THAP5: variants seen among roughly 807,000 people sequenced by gnomAD.
The protein encoded by THAP5 is THAP domain containing 5.
In THAP5, 26 loss-of-function variants were observed where a neutral mutation model predicts 34.0. That is an observed-to-expected ratio of 0.77 (90% confidence interval 0.56 to 1.06). The LOEUF is 1.06. Among genes scored for constraint, THAP5 ranks in the 50% least tolerant of loss-of-function variants. THAP5 has a pLI of 0.00. For missense variants in THAP5, 394 were observed against 452.8 expected, an observed-to-expected ratio of 0.87 and a Z score of 1.18; for synonymous variants, 125 against 153.0, an observed-to-expected ratio of 0.82 and a Z score of 1.35.
At chr7:108,553,793 T>C (rs1404697270), downstream of THAP5, among the ~76,000 whole-genome samples, 5 of 152,172 alleles carry the variant, frequency 3.3e-5, no homozygotes, top group Admixed American at 3.3e-4. Flanking sequence ...AGCTCCATAC[T>C]CTTCCTAGCC....
rs1410419010 is a variant in THAP5 at position 108,564,885 on chromosome 7, G to A, written c.494C>T (p.Thr165Ile). 6.2e-7 allele frequency: 1 copy of A among 1,601,300 alleles called. No individual in the cohort carries two copies. The highest frequency in any genetic ancestry group is 1.7e-4 in the Middle Eastern group (1 of 6,038). Reference sequence around the variant, plus strand: ...AGTATGTTGTTTAACTAGATTAAGAGTTAACATGTTATTTTGTATACTTCC... The same window carrying A: ...AGTATGTTGTTTAACTAGATTAAGAATTAACATGTTATTTTGTATACTTCC... ...KTGSIQNNML[T>I]LNLVKQHTGK... is the part of the protein sequence containing the mutation. The change falls in exon 3 of 3, where the codon ACT (threonine) becomes ATT (isoleucine). Residue 165 changes from threonine (T) to isoleucine (I), a missense_variant. Coordinates refer to ENST00000415914, the MANE Select transcript of THAP5 (RefSeq NM_001130475.3).
Position 108,569,442 on chromosome 7 carries a change from C to T in THAP5, c.80+48G>A, listed in dbSNP as rs1157648527. Reference sequence around the variant, plus strand: ...ACACCCAAGCCCAAAGGCCACAGGTCCAAGGCCTCACGGCGAGGCTGACGC... The same window carrying T: ...ACACCCAAGCCCAAAGGCCACAGGTTCAAGGCCTCACGGCGAGGCTGACGC... On this transcript the variant is annotated intron_variant, in intron 1 of 2. Transcript: ENST00000415914. The T allele has an allele frequency of 1.9e-6, 3 of 1,550,840 alleles. No individual in the cohort carries two copies. The East Asian group carries it at 7.3e-5, about 38-fold the overall frequency.
chr7:108,544,112 C>T, the THAP5 span, among the ~76,000 whole-genome samples: 1 of 152,098 alleles, frequency 6.6e-6, no homozygotes, highest in African/African-American at 2.4e-5. Context: ...CATTTGTTTT[C>T]AAAAACTTCT....
At chr7:108,569,234 G>T in intron 1 of THAP5, 1 of 1,367,990 alleles carries the variant, frequency 7.3e-7, no homozygotes, top group Non-Finnish European at 9.4e-7. Flanking sequence ...ACAGAAGCCC[G>T]CGCAAACTTT....
chr7:108,564,874 C>G lies in THAP5; in HGVS notation c.505G>C (p.Val169Leu). 2.5e-6 allele frequency: 4 copies of G among 1,606,722 alleles called. No homozygotes were observed. Among genetic ancestry groups the G allele is most frequent in the Non-Finnish European group, 3.4e-6 (4 of 1,175,424 alleles). ...IQNNMLTLNL[V>L]KQHTGKPEST... is the part of the protein sequence containing the mutation. ...TCTGGTTTCCCAGTATGTTGTTTAA[C>G]TAGATTAAGAGTTAACATGTTATTT... is the stretch of plus-strand genomic sequence containing the variant. Residue 169 changes from valine (V) to leucine (L), a missense_variant, in exon 3 of 3, where the codon GTT becomes CTT. Val to Leu is a conservative substitution (Grantham distance 32). Coordinates refer to ENST00000415914, the MANE Select transcript of THAP5 (RefSeq NM_001130475.3).
chr7:108,557,588 A>G (rs1011991522), downstream of THAP5, among the ~76,000 whole-genome samples: 2 of 152,178 alleles, frequency 1.3e-5, no homozygotes, highest in African/African-American at 4.8e-5. Context: ...TCCAGTTCCC[A>G]ATAAATTCCC....
In THAP5 at chr7:108,564,264, T is replaced by C. The variant is rs1460887067; in HGVS notation, c.1115A>G (p.Glu372Gly). Residue 372 changes from glutamate to glycine, a missense_variant, in exon 3 of 3, where the codon GAA (glutamate) becomes GGA (glycine). By Grantham distance (98) the Glu-to-Gly change is moderately conservative. Transcript: ENST00000415914. ...LEALIRQLKQ[E>G]NWLSEENVKI... ...GACGTTTTCTTCAGATAGCCAGTTT[T>C]CCTGCTTTAGCTGCCTTATAAGAGC... The C allele has an allele frequency of 1.2e-6, 2 of 1,611,932 alleles. No individual in the cohort carries two copies. The highest frequency in any genetic ancestry group is 1.7e-6 in the Non-Finnish European group (2 of 1,179,354).
chr7:108,565,730 TTA>T (rs1790471834), intron 2 of THAP5, 98 bp downstream of exon 2: 1 of 919,444 alleles, frequency 1.1e-6, no homozygotes, highest in Non-Finnish European at 1.5e-6. Context: ...AAGTATCTGT[TTA>T]CCCAAGTTAT....
downstream of THAP5, among the ~76,000 whole-genome samples, chr7:108,552,537 C>T (rs750008835): frequency 2.6e-5 from 4 of 152,184 alleles, no homozygotes; most frequent in Admixed American, 6.5e-5. Flanking sequence ...TGGTGGCTCA[C>T]GCCTGTAATC....
downstream of THAP5, among the ~76,000 whole-genome samples, chr7:108,549,919 G>T (rs40923): frequency 0.29 from 43,957 of 151,938 alleles, 6,727 homozygotes; most frequent in Non-Finnish European, 0.34. Context: ...ACGTTGTATT[G>T]GGGCCCTTCC....
chr7:108,549,183 AG>A, the THAP5 span, among the ~76,000 whole-genome samples: 3 of 150,212 alleles, frequency 2.0e-5, no homozygotes, highest in Non-Finnish European at 3.0e-5. Context: ...GTGCCGTGAC[AG>A]GATCTCAGCT....
chr7:108,567,362 T>C (rs1269888816), intron 1 of THAP5, among the ~76,000 whole-genome samples: 1 of 152,228 alleles, frequency 6.6e-6, no homozygotes, highest in Non-Finnish European at 1.5e-5. Flanking sequence ...TTTCTTTTGT[T>C]ACAACTGAAA....
downstream of THAP5, among the ~76,000 whole-genome samples, chr7:108,558,377 G>GTGTGTGTGTGTATATATA (rs1401164750): frequency 1.6e-5 from 1 of 63,042 alleles, no homozygotes; most frequent in Non-Finnish European, 2.9e-5. Context: ...ATGTGTGTGT[G>GTGTGTGTGTGTATATATA]TATGTATATA....
rs758815987 is a variant in THAP5, at chr7:108,564,960, G to C, written c.419C>G (p.Pro140Arg). ...IVNTDVPHQH[P>R]ELLHSSSLVK... ...CAAGGAAGATGAATGAAGTAATTCT[G>C]GATGTTGATGGGGCACATCTGTGTT... is the stretch of plus-strand genomic sequence containing the variant. The change falls in exon 3 of 3, where the codon CCA becomes CGA. Residue 140 changes from proline (P) to arginine (R), a missense_variant. Physicochemically the swap from Pro to Arg is moderately radical, Grantham distance 103 (BLOSUM62 -2). Coordinates refer to ENST00000415914, the MANE Select transcript of THAP5 (RefSeq NM_001130475.3). 8 of 1,559,030 alleles carry C rather than the reference G, an allele frequency of 5.1e-6. No individual in the cohort carries two copies. Among genetic ancestry groups the C allele is most frequent in the Middle Eastern group, 1.7e-4 (1 of 5,954 alleles).
At chr7:108,551,124 A>G (rs1864351039), downstream of THAP5, among the ~76,000 whole-genome samples, 1 of 152,162 alleles carries the variant, frequency 6.6e-6, no homozygotes, top group Non-Finnish European at 1.5e-5. Context: ...AACATGAACT[A>G]TAGTTGGGTT....
the THAP5 span, among the ~76,000 whole-genome samples, chr7:108,548,276 C>A: frequency 6.6e-6 from 1 of 152,044 alleles, no homozygotes; most frequent in Non-Finnish European, 1.5e-5. Flanking sequence ...TTAGTAGGTG[C>A]TATTGTTCAC....
downstream of THAP5, among the ~76,000 whole-genome samples, chr7:108,557,612 G>A (rs532502175): frequency 3.3e-5 from 5 of 152,102 alleles, no homozygotes; most frequent in Non-Finnish European, 7.3e-5. Flanking sequence ...CTCCATCTGA[G>A]ACCTCCTCAG....
At chr7:108,544,553 CAAAG>C in the THAP5 span, among the ~76,000 whole-genome samples, 3 of 150,496 alleles carry the variant, frequency 2.0e-5, no homozygotes, top group Non-Finnish European at 4.4e-5. Context: ...AAAACAAAAA[CAAAG>C]AAGGTCATTG....
chr7:108,569,587 T>C lies in THAP5; in HGVS notation c.-18A>G, dbSNP rs1006914303. On this transcript the variant is annotated 5_prime_UTR_variant, in exon 1 of 3. Transcript: ENST00000415914. The stretch of plus-strand genomic sequence containing the variant: ...CGGGGCATGACTCGGGTGAGGCCCC[T>C]GGAGACCGGGGCCGGCGACGGATGC... 5.2e-6 allele frequency: 8 copies of C among 1,550,752 alleles called. No homozygotes were observed. The highest frequency in any genetic ancestry group is 7.0e-6 in the Non-Finnish European group (8 of 1,146,994).
Sources: gnomAD v4.1 joint callset for allele counts (sites outside exome capture counted in the v4.1 genomes callset) on GRCh38, gnomAD v4.1.1 for gene constraint, MANE v1.5 for transcripts, NCBI Gene and HGNC (gene_info 2026-07-23, HGNC 2026-07-21) for gene names.